RGS6: variants seen among roughly 807,000 people sequenced by gnomAD.
The protein encoded by RGS6 is regulator of G protein signaling 6.
In RGS6, 30 loss-of-function variants were observed where a neutral mutation model predicts 78.5. The ratio of observed to expected loss-of-function variants is 0.38; its 90% CI spans 0.29 to 0.52. RGS6 has a LOEUF of 0.52. Ranked by LOEUF, RGS6 falls within the 20% of genes least tolerant of loss-of-function variation. RGS6 has a pLI of 0.85. For synonymous variants in RGS6, 206 were observed against 206.0 expected (o/e 1.00, Z 0.00); for missense variants, 495 against 609.7 (o/e 0.81, Z 1.98).
In RGS6 at chr14:72,470,087, G is replaced by T; in HGVS notation, c.536+4G>T. On this transcript the variant is annotated splice_donor_region_variant and intron_variant, in intron 8 of 17. Transcript: ENST00000553525. The stretch of plus-strand genomic sequence containing the variant: ...TGCAAGCAGAAGCACAAGTAAAGTA[G>T]GTGAACTTGATAGAGACCTTTTCAG... 1 of 1,606,714 alleles carries T rather than the reference G, an allele frequency of 6.2e-7. No homozygotes were observed. Among genetic ancestry groups the T allele is most frequent in the Non-Finnish European group, 8.5e-7 (1 of 1,173,584 alleles).
intron 3 of RGS6, among the ~76,000 whole-genome samples, chr14:72,394,982 C>T (rs553661411): frequency 3.9e-5 from 6 of 152,292 alleles, no homozygotes; most frequent in Non-Finnish European, 7.4e-5. Context: ...TCTGCCATGG[C>T]TTCAACCGGT....
At chr14:72,206,116 G>A (rs2042648689) in intron 2 of RGS6, among the ~76,000 whole-genome samples, 1 of 151,998 alleles carries the variant, frequency 6.6e-6, no homozygotes, top group Non-Finnish European at 1.5e-5. Context: ...GTCTATAATA[G>A]ACCAGGTAAA....
intron 2 of RGS6, among the ~76,000 whole-genome samples, chr14:72,174,290 A>G (rs149659): frequency 0.73 from 110,896 of 152,020 alleles, 40,598 homozygotes; most frequent in East Asian, 0.92. Flanking sequence ...TAGAGATGGG[A>G]TTTCTCCATG....
At position 72,462,026 on chromosome 14, in the gene RGS6, T is replaced by C. The variant is rs551844205; in HGVS notation, c.394+2343T>C. 5.3e-5 allele frequency among the ~76,000 whole-genome samples: 8 copies of C among 152,278 alleles called. No individual in the cohort carries two copies. The East Asian group carries it at 1.4e-3, about 26-fold the overall frequency. On this transcript the variant is annotated intron_variant, in intron 6 of 17. Coordinates refer to ENST00000553525, the MANE Select transcript of RGS6 (RefSeq NM_001204424.2). ...GGATGTTGGTTGATATTATTATGAC[T>C]GAGGTGACCGTCTCACCAGGAAGCA...
chr14:71,894,469 C>T, the RGS6 span, among the ~76,000 whole-genome samples: 2 of 152,204 alleles, frequency 1.3e-5, no homozygotes, highest in African/African-American at 4.8e-5. Context: ...AGGGTGGATG[C>T]GTGCCTCCTC....
chr14:71,895,457 G>T, the RGS6 span, among the ~76,000 whole-genome samples: 1 of 152,174 alleles, frequency 6.6e-6, no homozygotes, highest in Non-Finnish European at 1.5e-5. Context: ...AAAGTGCTGG[G>T]ATTACAGGCA....
chr14:72,357,263 G>GAA (rs59962898), intron 3 of RGS6, among the ~76,000 whole-genome samples: 7 of 131,364 alleles, frequency 5.3e-5, no homozygotes, highest in African/African-American at 1.4e-4. Flanking sequence ...CCCTGTCTCA[G>GAA]AAAAAAAAAA....
Position 72,094,576 on chromosome 14 carries a change from A to G in RGS6, c.84+129701A>G, listed in dbSNP as rs149511274. ...AGTCAATTTGTCCTCTAAATATTTCACTTAGATGATGATTTTTTTTAATCA... is the reference window on the plus strand; with the variant it reads ...AGTCAATTTGTCCTCTAAATATTTCGCTTAGATGATGATTTTTTTTAATCA... On this transcript the variant is annotated intron_variant, in intron 2 of 17. Coordinates refer to ENST00000553525, the MANE Select transcript of RGS6 (RefSeq NM_001204424.2). Among the ~76,000 whole-genome samples, 679 of 152,204 alleles carry G rather than the reference A, an allele frequency of 4.5e-3. 4 individuals are homozygous for G. Among genetic ancestry groups the G allele is most frequent in the African/African-American group, 0.015 (605 of 41,500 alleles).
chr14:71,993,585 G>T (rs541591526), intron 2 of RGS6, among the ~76,000 whole-genome samples: 3 of 152,282 alleles, frequency 2.0e-5, no homozygotes, highest in Non-Finnish European at 4.4e-5. Context: ...TAAGTGGCTT[G>T]CTCTGGCTTA....
rs930308619 is a variant in RGS6, at chr14:72,563,747, A to G, written c.*1280A>G. 6.6e-6 allele frequency: 1 copy of G among 152,236 alleles called. No homozygotes were observed. The highest frequency in any genetic ancestry group is 1.5e-5 in the Non-Finnish European group (1 of 68,048). 9.4% of individuals were successfully genotyped at this position (152,236 alleles called of 1,614,324 possible). On this transcript the variant is annotated 3_prime_UTR_variant, in exon 18 of 18. Transcript: ENST00000553525. ...GCCTGATACGCAGTAGGTGCTTAGCAAACGGTAGCTAATACTATCATCATT... is the reference window on the plus strand; with the variant it reads ...GCCTGATACGCAGTAGGTGCTTAGCGAACGGTAGCTAATACTATCATCATT...
intron 3 of RGS6, among the ~76,000 whole-genome samples, chr14:72,370,489 A>T (rs1205040384): frequency 6.6e-6 from 1 of 152,156 alleles, no homozygotes; most frequent in African/African-American, 2.4e-5. Flanking sequence ...GGTCAGGGAG[A>T]TGAGGAACAA....
the RGS6 span, among the ~76,000 whole-genome samples, chr14:72,588,900 C>T: frequency 6.6e-6 from 1 of 152,146 alleles, no homozygotes; most frequent in Non-Finnish European, 1.5e-5. Context: ...CCAGGTGCCC[C>T]GTCAAGCCAG....
At chr14:72,518,558 G>T (rs762897727) in intron 15 of RGS6, 21 bp downstream of exon 15, 1 of 1,611,382 alleles carries the variant, frequency 6.2e-7, no homozygotes, top group Non-Finnish European at 8.5e-7. Context: ...CTACTCAAGT[G>T]GTTGTCATAA....
intron 8 of RGS6, among the ~76,000 whole-genome samples, chr14:72,471,778 A>G (rs78943994): frequency 0.012 from 1,776 of 152,348 alleles, 38 homozygotes; most frequent in African/African-American, 0.041. Context: ...GAAGAGGTGC[A>G]GGTGGGAGAG....
chr14:71,875,129 G>T, the RGS6 span, among the ~76,000 whole-genome samples: 18 of 152,262 alleles, frequency 1.2e-4, no homozygotes, highest in Non-Finnish European at 1.5e-4. Flanking sequence ...TCTCTACCAG[G>T]CTTTGGTATT....
At chr14:72,310,433 A>G (rs991463098) in intron 2 of RGS6, among the ~76,000 whole-genome samples, 2 of 152,208 alleles carry the variant, frequency 1.3e-5, no homozygotes, top group African/African-American at 4.8e-5. Context: ...CCTTTGCTCC[A>G]ACATGTCTGC....
intron 2 of RGS6, among the ~76,000 whole-genome samples, chr14:72,186,532 G>C (rs989889992): frequency 1.3e-5 from 2 of 152,160 alleles, no homozygotes; most frequent in East Asian, 3.9e-4. Context: ...GGTCTAATTG[G>C]CCAACTTTGA....
chr14:72,028,634 T>C (rs915149251), intron 2 of RGS6, among the ~76,000 whole-genome samples: 4 of 152,244 alleles, frequency 2.6e-5, no homozygotes, highest in Non-Finnish European at 2.9e-5. Flanking sequence ...TTGTTTTAAA[T>C]GTCAGCACAT....
the RGS6 span, among the ~76,000 whole-genome samples, chr14:72,574,464 C>G: frequency 6.6e-6 from 1 of 152,140 alleles, no homozygotes; most frequent in African/African-American, 2.4e-5. Flanking sequence ...AAGAGTGAGG[C>G]CGGGCTGCCC....
Sources: allele counts gnomAD v4.1 joint callset (sites outside exome capture counted in the v4.1 genomes callset), GRCh38; gene constraint gnomAD v4.1.1; transcripts MANE v1.5; gene names NCBI Gene and HGNC (gene_info 2026-07-23, HGNC 2026-07-21).